GPATCH2L: variants seen among roughly 807,000 people sequenced by gnomAD.
GPATCH2L encodes G patch domain-containing protein 2-like.
GPATCH2L carries 31 observed loss-of-function variants against 57.4 expected under a neutral mutation model. The observed-to-expected ratio is 0.54, with a 90% CI of 0.41 to 0.73. The LOEUF (loss-of-function observed/expected upper bound fraction) is 0.73. GPATCH2L is among the 30% of genes least tolerant of loss of function. GPATCH2L has a pLI of 0.00. For synonymous variants in GPATCH2L, 199 were observed against 210.7 expected (o/e 0.94, Z 0.48); for missense variants, 481 against 599.9 (o/e 0.80, Z 2.07).
At chr14:76,225,720 G>A (rs189020376) in intron 1 of GPATCH2L, among the ~76,000 whole-genome samples, 1 of 152,170 alleles carries the variant, frequency 6.6e-6, no homozygotes, top group Admixed American at 6.5e-5. Flanking sequence ...ATTTGACAAA[G>A]GACTTGCATT....
chr14:76,196,021 A>C (rs2040139354), intron 9 of GPATCH2L, 49 bp downstream of exon 9: 2 of 1,325,272 alleles, frequency 1.5e-6, no homozygotes, highest in South Asian at 2.3e-5. Flanking sequence ...TGTGCCAGGC[A>C]CTAAATTATG....
chr14:76,172,396 A>G (rs1288247373), intron 4 of GPATCH2L, among the ~76,000 whole-genome samples: 2 of 152,222 alleles, frequency 1.3e-5, no homozygotes, highest in Non-Finnish European at 1.5e-5. Flanking sequence ...ATTTTCAGTA[A>G]GAGTATTCAC....
chr14:76,194,539 C>G (rs930825772), intron 8 of GPATCH2L, among the ~76,000 whole-genome samples: 1 of 146,396 alleles, frequency 6.8e-6, no homozygotes, highest in African/African-American at 2.7e-5. Flanking sequence ...ATGCATGCAC[C>G]CTTTTCAACT....
chr14:76,194,367 C>T (rs1290472438), intron 8 of GPATCH2L, among the ~76,000 whole-genome samples: 1 of 152,132 alleles, frequency 6.6e-6, no homozygotes, highest in Non-Finnish European at 1.5e-5. Flanking sequence ...TTATAAATCT[C>T]AGCCTGTAGC....
chr14:76,232,735 T>TAG (rs1273083342), intron 2 of GPATCH2L, among the ~76,000 whole-genome samples: 4 of 152,182 alleles, frequency 2.6e-5, no homozygotes, highest in Admixed American at 6.5e-5. Context: ...AGTTTCCAGT[T>TAG]TTCCTTTACC....
At chr14:76,229,421 A>G (rs8003930) in intron 1 of GPATCH2L, among the ~76,000 whole-genome samples, 68,034 of 152,048 alleles carry the variant, frequency 0.45, 15,864 homozygotes, top group African/African-American at 0.57. Context: ...TTGTCTGAAC[A>G]TCACTGCTGG....
intron 8 of GPATCH2L, among the ~76,000 whole-genome samples, chr14:76,194,524 C>T (rs1594983930): frequency 6.8e-6 from 1 of 148,108 alleles, no homozygotes; most frequent in African/African-American, 2.6e-5. Context: ...TGCTTGCGTG[C>T]ACGCATGCAT....
intron 9 of GPATCH2L, among the ~76,000 whole-genome samples, chr14:76,199,079 A>C (rs1314259468): frequency 6.6e-6 from 1 of 152,206 alleles, no homozygotes; most frequent in African/African-American, 2.4e-5. Flanking sequence ...GAAGGGGTAT[A>C]AAAGAACATT....
Position 76,178,010 on chromosome 14 carries a change from G to C in GPATCH2L, c.1075G>C (p.Asp359His), listed in dbSNP as rs202131418. Residue 359 changes from aspartate (D) to histidine (H), a missense_variant, in exon 7 of 10, where the codon GAT becomes CAT. By Grantham distance (81) the Asp-to-His change is moderately conservative. Around this residue, in one of 3 missense-constraint regions of GPATCH2L, gnomAD observed 248 missense variants for 270.5 expected, o/e 0.92. Transcript: ENST00000261530. Reference sequence around the variant, plus strand: ...TAGAAAGAATAAAGCGTTGGCTTCTGATTTTCCTCACATTTCTGCTTGTGC... The same window carrying C: ...TAGAAAGAATAAAGCGTTGGCTTCTCATTTTCCTCACATTTCTGCTTGTGC... ...QKEKNKALAS[D>H]FPHISACAHE... The C allele has an allele frequency of 1.2e-5, 20 of 1,608,038 alleles. No homozygotes were observed. Among genetic ancestry groups the C allele is most frequent in the Non-Finnish European group, 1.6e-5 (19 of 1,174,968 alleles).
chr14:76,225,907 T>G lies in GPATCH2L; in HGVS notation c.66-3901T>G, dbSNP rs1190498139. 2.6e-5 allele frequency among the ~76,000 whole-genome samples: 4 copies of G among 152,256 alleles called. No homozygotes were observed. The East Asian group carries it at 7.7e-4, about 29-fold the overall frequency. ...CCATGAAATGCAAATTAAAACCCAA[T>G]GCGATATTACTACATACTCAACAGA... is the stretch of plus-strand genomic sequence containing the variant. On this transcript the variant is annotated intron_variant and NMD_transcript_variant, in intron 1 of 3. Coordinates refer to the GPATCH2L transcript ENST00000556372.
rs59387534 is a variant in GPATCH2L at position 76,209,031 on chromosome 14, G to C, written c.*7180G>C. The C allele has an allele frequency of 0.046, 6,956 of 152,240 alleles. 238 individuals are homozygous for C. Among genetic ancestry groups the C allele is most frequent in the East Asian group, 0.13 (673 of 5,176 alleles). 9.4% of individuals were successfully genotyped at this position (152,240 alleles called of 1,614,324 possible). On this transcript the variant is annotated 3_prime_UTR_variant, in exon 10 of 10. Transcript: ENST00000261530. The stretch of plus-strand genomic sequence containing the variant: ...TGCTACCCTTGCTACCATTAAAACT[G>C]TTCTTGCTGGATTCACCCACCAGTG...
chr14:76,166,661 A>G lies in GPATCH2L; in HGVS notation c.663-2A>G. Reference sequence around the variant, plus strand: ...TTCTCTTGTGTTTTACTCTTTTTACAGTGAAACCAGCAGTGTGTGTAGCAG... The same window carrying G: ...TTCTCTTGTGTTTTACTCTTTTTACGGTGAAACCAGCAGTGTGTGTAGCAG... On this transcript the variant is annotated splice_acceptor_variant, in intron 2 of 9. Coordinates refer to ENST00000261530, the MANE Select transcript of GPATCH2L (RefSeq NM_017926.4). LOFTEE classifies it high-confidence loss of function. 1.2e-6 allele frequency: 2 copies of G among 1,602,010 alleles called. No homozygotes were observed. Among genetic ancestry groups the G allele is most frequent in the Non-Finnish European group, 1.7e-6 (2 of 1,168,952 alleles).
intron 7 of GPATCH2L, chr14:76,179,176 A>C (rs1198465279): frequency 6.6e-6 from 1 of 152,118 alleles, no homozygotes; most frequent in Non-Finnish European, 1.5e-5. Context: ...GAGTGGTAGA[A>C]GACATAACTG....
intron 8 of GPATCH2L, among the ~76,000 whole-genome samples, chr14:76,191,891 T>C (rs1312653356): frequency 6.6e-6 from 1 of 152,118 alleles, no homozygotes; most frequent in Non-Finnish European, 1.5e-5. Context: ...ATTCCTCCTA[T>C]CTAGCTATAA....
chr14:76,221,110 A>T (rs1164663087), intron 1 of GPATCH2L, among the ~76,000 whole-genome samples: 1 of 151,962 alleles, frequency 6.6e-6, no homozygotes, highest in Non-Finnish European at 1.5e-5. Flanking sequence ...TGCAAAAGAC[A>T]CATCTGATAA....
rs529555716 is a variant in GPATCH2L at position 76,203,133 on chromosome 14, C to G, written c.*1282C>G. ...GTGCTGAATGGGGCAGCACCTCCTT[C>G]CCCCAAAGTGCGATTGCCCCTGTTT... On this transcript the variant is annotated 3_prime_UTR_variant, in exon 10 of 10. Coordinates refer to ENST00000261530, the MANE Select transcript of GPATCH2L (RefSeq NM_017926.4). 1.3e-5 allele frequency: 2 copies of G among 152,150 alleles called. No homozygotes were observed. The highest frequency in any genetic ancestry group is 6.5e-5 in the Admixed American group (1 of 15,276). The allele number at this position is 152,150 out of a possible 1,614,324, so 9.4% of individuals were successfully genotyped here. A position where few individuals can be genotyped will look rare whatever the true frequency, so the allele number is the denominator to read the frequency against.
chr14:76,233,748 C>G (rs1004588524), intron 2 of GPATCH2L, among the ~76,000 whole-genome samples: 7 of 152,116 alleles, frequency 4.6e-5, no homozygotes, highest in African/African-American at 1.7e-4. Context: ...TCATCATATA[C>G]CCAGTTAGTA....
intron 6 of GPATCH2L, among the ~76,000 whole-genome samples, chr14:76,177,647 C>T (rs2139695525): frequency 6.8e-6 from 1 of 146,338 alleles, no homozygotes; most frequent in African/African-American, 2.6e-5. Flanking sequence ...GGGTTTATTT[C>T]TGTTGTTCAG....
At chr14:76,187,548 A>T (rs930656615) in intron 8 of GPATCH2L, among the ~76,000 whole-genome samples, 1 of 152,018 alleles carries the variant, frequency 6.6e-6, no homozygotes, top group African/African-American at 2.4e-5. Flanking sequence ...GAAAACAAAT[A>T]CCATTTTTAC....
Sources: allele counts gnomAD v4.1 joint callset (sites outside exome capture counted in the v4.1 genomes callset), GRCh38; gene constraint gnomAD v4.1.1; regional missense constraint gnomAD v4.1.1; transcripts MANE v1.5; gene names NCBI Gene and HGNC (gene_info 2026-07-23, HGNC 2026-07-21).